SFPQ: variants seen among roughly 807,000 people sequenced by gnomAD.
SFPQ encodes splicing factor proline and glutamine rich.
Under a neutral mutation model 72.9 loss-of-function variants are expected in SFPQ, and 11 were observed. The observed-to-expected ratio is 0.15, with a 90% CI of 0.09 to 0.25. The LOEUF (loss-of-function observed/expected upper bound fraction) is 0.25, where lower values mean the gene tolerates loss of function less well. SFPQ is among the 10% of genes least tolerant of loss of function. The probability of loss-of-function intolerance (pLI) is 1.00; values close to 1 mark genes in which losing one functional copy is unlikely to be tolerated. For missense variants in SFPQ, 847 were observed against 993.3 expected (o/e 0.85, Z 1.98); for synonymous variants, 506 against 367.3 (o/e 1.38, Z -4.32).
chr1:35,182,638 T>G, downstream of SFPQ: 1 of 985,452 alleles, frequency 1.0e-6, no homozygotes, highest in Non-Finnish European at 1.2e-6. Context: ...AGGTTTGACT[T>G]AGAATTTTTC....
chr1:35,187,953 G>A lies in SFPQ; in HGVS notation c.1815+20C>T, dbSNP rs549454457. 2.0e-6 allele frequency: 3 copies of A among 1,479,708 alleles called. No homozygotes were observed. Among genetic ancestry groups the A allele is most frequent in the African/African-American group, 2.8e-5 (2 of 72,454 alleles). 91.7% of individuals were successfully genotyped at this position (1,479,708 alleles called of 1,614,324 possible). On this transcript the variant is annotated intron_variant, in intron 7 of 9. Coordinates refer to ENST00000357214, the MANE Select transcript of SFPQ (RefSeq NM_005066.3). ...GTTCTATAGACAACTCCAATTGGAA[G>A]GCAGTAAAGGCTGACTTACTGGATC...
downstream of SFPQ, chr1:35,181,421 A>C (rs1157901023): frequency 9.4e-7 from 1 of 1,063,966 alleles, no homozygotes; most frequent in African/African-American, 1.6e-5. Flanking sequence ...GTAACATTAC[A>C]ATTTCCCCAT....
chr1:35,191,779 CAT>C (rs1051580359), intron 1 of SFPQ, among the ~76,000 whole-genome samples: 3 of 152,232 alleles, frequency 2.0e-5, no homozygotes, highest in Admixed American at 1.3e-4. Context: ...CTGTCACCCA[CAT>C]ATGTTGAGTG....
chr1:35,181,974 G>C (rs181589714), downstream of SFPQ: 2,593 of 985,270 alleles, frequency 2.6e-3, 1 homozygote, highest in Non-Finnish European at 3.0e-3. Context: ...ACAGTCCACA[G>C]TAAGGGTATC....
chr1:35,177,841 T>C (rs1373317232), intron 4 of SFPQ: 1 of 230,112 alleles, frequency 4.3e-6, no homozygotes, highest in Admixed American at 6.1e-5. Context: ...CTCACATACA[T>C]CCCTAATTTC....
chr1:35,183,339 T>TC lies in SFPQ; in HGVS notation c.*1116dup, dbSNP rs1310252504. 15 of 312,072 alleles carry TC rather than the reference T, an allele frequency of 4.8e-5. No individual in the cohort carries two copies. In the Admixed American group the frequency reaches 7.0e-4, roughly 14 times the overall value. The allele number at this position is 312,072 out of a possible 1,614,324, so 19.3% of individuals were successfully genotyped here. A position where few individuals can be genotyped will look rare whatever the true frequency, so the allele number is the denominator to read the frequency against. ...TTCAAGCAATTCTCCTGGCTCAGCC[T>TC]CCCGAGTAGCTGGGATTACAGGCGC... is the stretch of plus-strand genomic sequence containing the variant. On this transcript the variant is annotated 3_prime_UTR_variant, in exon 10 of 10. Transcript: ENST00000357214.
downstream of SFPQ, chr1:35,179,447 C>T (rs1018596116): frequency 4.5e-5 from 48 of 1,056,232 alleles, no homozygotes; most frequent in Non-Finnish European, 5.5e-5. Context: ...TGGCATCACA[C>T]CTCTGAACCC....
At chr1:35,181,779 T>A, downstream of SFPQ, 1 of 985,262 alleles carries the variant, frequency 1.0e-6, no homozygotes, top group Non-Finnish European at 1.2e-6. Context: ...AGATCGACTT[T>A]TAGGAAACTA....
chr1:35,181,309 A>G, downstream of SFPQ: 1 of 1,065,654 alleles, frequency 9.4e-7, no homozygotes, highest in Non-Finnish European at 1.1e-6. Context: ...GCAGTCCAAG[A>G]ACACCAGAAA....
At chr1:35,181,395 T>G (rs528286800), downstream of SFPQ, 14 of 1,064,380 alleles carry the variant, frequency 1.3e-5, no homozygotes, top group South Asian at 5.9e-4. Context: ...ATATGCCACT[T>G]AAAAATTGCA....
chr1:35,181,561 T>A, downstream of SFPQ: 2 of 1,062,106 alleles, frequency 1.9e-6, no homozygotes, highest in Non-Finnish European at 2.3e-6. Context: ...TGGGCTATGC[T>A]TATAAAATAC....
chr1:35,182,559 C>A, downstream of SFPQ: 3 of 985,398 alleles, frequency 3.0e-6, no homozygotes, highest in Non-Finnish European at 3.6e-6. Context: ...GCAGAAAGTG[C>A]TCAGATTGTT....
chr1:35,179,152 G>C (rs898079684), downstream of SFPQ: 3 of 1,060,102 alleles, frequency 2.8e-6, no homozygotes, highest in Non-Finnish European at 3.4e-6. Context: ...CCAACATCCT[G>C]GCTCTCTAAA....
downstream of SFPQ, chr1:35,181,939 TTGCTAAACAAC>T (rs1639486519): frequency 1.0e-6 from 1 of 985,184 alleles, no homozygotes; most frequent in African/African-American, 1.7e-5. Flanking sequence ...GCAACATTAT[TTGCTAAACAAC>T]GTTTAGCAAC....
At chr1:35,188,122 T>A (rs375179432) in intron 6 of SFPQ, 32 bp from the exon 7 acceptor site, 3 of 1,449,594 alleles carry the variant, frequency 2.1e-6, no homozygotes, top group Non-Finnish European at 1.9e-6. Context: ...ATAACTGAAG[T>A]GTTATCCACA....
At chr1:35,186,692 T>C (rs1192191168) in intron 9 of SFPQ, among the ~76,000 whole-genome samples, 1 of 152,210 alleles carries the variant, frequency 6.6e-6, no homozygotes, top group Non-Finnish European at 1.5e-5. Context: ...ATCTAGCATC[T>C]AGAATTTGGA....
downstream of SFPQ, chr1:35,181,077 C>T: frequency 4.7e-6 from 5 of 1,064,734 alleles, no homozygotes; most frequent in Non-Finnish European, 5.7e-6. Context: ...TGCCAGAATG[C>T]CCACGGAATA....
At chr1:35,180,010 T>C (rs1639401124), downstream of SFPQ, 1 of 1,050,428 alleles carries the variant, frequency 9.5e-7, no homozygotes, top group East Asian at 5.3e-5. Flanking sequence ...CTTTCATCTA[T>C]CAGTAGAGTC....
downstream of SFPQ, chr1:35,182,317 T>C (rs1639502863): frequency 1.0e-6 from 1 of 985,254 alleles, no homozygotes; most frequent in Non-Finnish European, 1.2e-6. Context: ...GTACAGAAAA[T>C]CTCTTATGTA....
Sources: gnomAD v4.1 joint callset for allele counts (sites outside exome capture counted in the v4.1 genomes callset) on GRCh38, gnomAD v4.1.1 for gene constraint, MANE v1.5 for transcripts, NCBI Gene and HGNC (gene_info 2026-07-23, HGNC 2026-07-21) for gene names.